ERI1: variants seen among roughly 807,000 people sequenced by gnomAD.
ERI1 encodes 3'-5' exoribonuclease 1.
ERI1 carries 39 observed loss-of-function variants against 39.7 expected under a neutral mutation model. The ratio of observed to expected loss-of-function variants is 0.98; its 90% confidence interval spans 0.76 to 1.28. The LOEUF (loss-of-function observed/expected upper bound fraction) is 1.28, where lower values mean the gene tolerates loss of function less well. Among genes scored for constraint, ERI1 ranks in the 50% most tolerant of loss-of-function variants. ERI1 has a pLI of 0.00. For synonymous variants in ERI1, 204 were observed against 149.6 expected (o/e 1.36, Z -2.65); for missense variants, 581 against 416.9 (o/e 1.39, Z -3.43).
At chr8:9,089,117 A>G (rs1370036994) in intron 3 of ERI1, among the ~76,000 whole-genome samples, 6 of 152,216 alleles carry the variant, frequency 3.9e-5, no homozygotes, top group Non-Finnish European at 1.5e-5. Flanking sequence ...GATTAGGGAA[A>G]TAACATGGTT....
chr8:9,047,652 T>C (rs901401907), intron 3 of ERI1, among the ~76,000 whole-genome samples: 2 of 151,746 alleles, frequency 1.3e-5, no homozygotes, highest in Admixed American at 1.3e-4. Context: ...TGAGCTATGA[T>C]AGCACAATTG....
intron 3 of ERI1, among the ~76,000 whole-genome samples, chr8:9,088,911 C>T (rs1412457004): frequency 6.6e-6 from 1 of 152,186 alleles, no homozygotes. Flanking sequence ...TTAATAGGTT[C>T]ACTACGTGCT....
chr8:9,069,722 A>G (rs1054877248), intron 3 of ERI1, among the ~76,000 whole-genome samples: 11 of 152,324 alleles, frequency 7.2e-5, no homozygotes, highest in Admixed American at 2.0e-4. Flanking sequence ...TGAATCTGGA[A>G]TAAAAGTTGA....
chr8:9,061,673 T>C (rs1196431562), intron 3 of ERI1, among the ~76,000 whole-genome samples: 2 of 152,106 alleles, frequency 1.3e-5, no homozygotes, highest in East Asian at 1.9e-4. Flanking sequence ...TTGTAAGGGA[T>C]TGAGGTTTGG....
At chr8:9,066,980 C>G (rs779029822) in intron 3 of ERI1, among the ~76,000 whole-genome samples, 2 of 152,158 alleles carry the variant, frequency 1.3e-5, no homozygotes, top group Non-Finnish European at 2.9e-5. Context: ...CGCCCATGAA[C>G]TGGGAGAAGA....
intron 3 of ERI1, among the ~76,000 whole-genome samples, chr8:9,014,408 C>T (rs905918727): frequency 2.0e-5 from 3 of 152,118 alleles, no homozygotes; most frequent in African/African-American, 7.2e-5. Context: ...ATGTTTCTGA[C>T]CCCCCTTACT....
chr8:9,010,927 A>G (rs1485308119), intron 2 of ERI1, among the ~76,000 whole-genome samples: 2 of 152,114 alleles, frequency 1.3e-5, no homozygotes, highest in Admixed American at 6.5e-5. Context: ...TTAAGAACCT[A>G]CTAGTGTGAT....
At chr8:9,021,313 T>C (rs1169173862) in intron 6 of ERI1, among the ~76,000 whole-genome samples, 1 of 152,248 alleles carries the variant, frequency 6.6e-6, no homozygotes, top group East Asian at 1.9e-4. Context: ...ACTATCTTCC[T>C]GGAGCCTTTA....
At chr8:9,010,754 A>G (rs1001562109) in intron 2 of ERI1, among the ~76,000 whole-genome samples, 1 of 152,164 alleles carries the variant, frequency 6.6e-6, no homozygotes, top group Non-Finnish European at 1.5e-5. Context: ...AAAAATACAT[A>G]TTGTTTAAAG....
rs571120459 is a variant in ERI1 at position 9,087,671 on chromosome 8, G to C, written n.300-28677G>C. On this transcript the variant is annotated intron_variant and non_coding_transcript_variant, in intron 3 of 3. Transcript: ENST00000518663. Reference sequence around the variant, plus strand: ...ACAGACATCTTAGTTTGGAGATGTAGCAACACATTTCAATAGATAAATTTA... The same window carrying C: ...ACAGACATCTTAGTTTGGAGATGTACCAACACATTTCAATAGATAAATTTA... Among the ~76,000 whole-genome samples, 17 of 152,224 alleles carry C rather than the reference G, an allele frequency of 1.1e-4. No homozygotes were observed. The South Asian group carries it at 3.3e-3, about 30-fold the overall frequency.
intron 2 of ERI1, among the ~76,000 whole-genome samples, chr8:9,009,608 C>T (rs915680404): frequency 2.6e-5 from 4 of 151,402 alleles, no homozygotes; most frequent in Middle Eastern, 3.4e-3. Context: ...GGTGTGATCT[C>T]GGCTCACTGC....
At chr8:9,046,063 A>C (rs1358596270) in intron 3 of ERI1, among the ~76,000 whole-genome samples, 1 of 152,172 alleles carries the variant, frequency 6.6e-6, no homozygotes, top group African/African-American at 2.4e-5. Flanking sequence ...GTTAAAGAAA[A>C]TTCATTTAAA....
intron 3 of ERI1, among the ~76,000 whole-genome samples, chr8:9,012,675 C>T (rs528009952): frequency 1.4e-4 from 21 of 152,290 alleles, no homozygotes; most frequent in African/African-American, 3.4e-4. Context: ...TACTCAAGGA[C>T]GTTACTGTAG....
intron 3 of ERI1, among the ~76,000 whole-genome samples, chr8:9,094,822 G>A (rs951692733): frequency 2.0e-5 from 3 of 152,058 alleles, no homozygotes; most frequent in African/African-American, 4.8e-5. Flanking sequence ...TAAAGACTCA[G>A]ACAAATATTA....
chr8:9,084,790 C>T (rs1207205149), intron 3 of ERI1, among the ~76,000 whole-genome samples: 1 of 152,202 alleles, frequency 6.6e-6, no homozygotes, highest in African/African-American at 2.4e-5. Flanking sequence ...CTGACTTTTA[C>T]CAGATAGCTG....
At position 9,045,838 on chromosome 8, in the gene ERI1, G is replaced by A. The variant is rs553670649; in HGVS notation, n.299+25374G>A. Among the ~76,000 whole-genome samples, 59 of 151,908 alleles carry A rather than the reference G, an allele frequency of 3.9e-4. 1 individual carries two copies. The South Asian group carries it at 0.012, about 31-fold the overall frequency. ...ATTACAGGCATGCATCACCACGCCT[G>A]GCTAATATTTTTGTATTTTTAGTAG... On this transcript the variant is annotated intron_variant and non_coding_transcript_variant, in intron 3 of 3. Coordinates refer to the ERI1 transcript ENST00000518663.
chr8:9,064,462 C>T (rs1798805262), intron 3 of ERI1, among the ~76,000 whole-genome samples: 1 of 151,956 alleles, frequency 6.6e-6, no homozygotes, highest in Non-Finnish European at 1.5e-5. Flanking sequence ...CTTCCCTAGT[C>T]CGTGACTGGC....
chr8:9,063,252 C>T lies in ERI1; in HGVS notation n.299+42788C>T, dbSNP rs142070929. On this transcript the variant is annotated intron_variant and non_coding_transcript_variant, in intron 3 of 3. Coordinates refer to the ERI1 transcript ENST00000518663. Reference sequence around the variant, plus strand: ...GTCTCAGAGTTGCTGCTAAAGGGGCCATGAACTGGGCTGGGTTTTTTATAT... The same window carrying T: ...GTCTCAGAGTTGCTGCTAAAGGGGCTATGAACTGGGCTGGGTTTTTTATAT... Among the ~76,000 whole-genome samples, 463 of 152,244 alleles carry T rather than the reference C, an allele frequency of 3.0e-3. 1 individual carries two copies. The highest frequency in any genetic ancestry group is 5.5e-3 in the Non-Finnish European group (371 of 68,010).
At chr8:9,041,151 C>T (rs1257881899) in intron 3 of ERI1, among the ~76,000 whole-genome samples, 2 of 152,194 alleles carry the variant, frequency 1.3e-5, no homozygotes, top group Non-Finnish European at 2.9e-5. Context: ...TTTGTTCATT[C>T]TGTGTGTCTG....
Sources: gnomAD v4.1 joint callset for allele counts (sites outside exome capture counted in the v4.1 genomes callset) on GRCh38, gnomAD v4.1.1 for gene constraint, MANE v1.5 for transcripts, NCBI Gene and HGNC (gene_info 2026-07-23, HGNC 2026-07-21) for gene names.